PRICKLE4: variants seen among roughly 807,000 people sequenced by gnomAD.
PRICKLE4 encodes the protein prickle-like protein 4.
A neutral mutation model predicts 43.5 loss-of-function variants in PRICKLE4; 40 were observed. The observed-to-expected ratio is 0.92, with a 90% CI of 0.71 to 1.20. PRICKLE4 has a LOEUF of 1.20. PRICKLE4 is among the 50% of genes most tolerant of loss of function. PRICKLE4 has a pLI of 0.00. For missense variants in PRICKLE4, 527 were observed against 491.2 expected (o/e 1.07, Z -0.69); for synonymous variants, 208 against 197.4 (o/e 1.05, Z -0.45).
At chr6:41,784,062 G>A in intron 3 of PRICKLE4, 69 bp from the exon 4 acceptor site, 3 of 1,193,220 alleles carry the variant, frequency 2.5e-6, no homozygotes, top group Non-Finnish European at 3.6e-6. Context: ...TGGCAATGAT[G>A]AGGGGGAAAG....
chr6:41,787,083 A>T lies in PRICKLE4; in HGVS notation c.1109A>T (p.Gln370Leu), dbSNP rs1436326350. ...PQSWKTPGSL[Q>L]AEDSNASKTH... ...TCCTGGAAGACCCCCGGAAGCCTCCAAGCAGAGGACAGCAACGCCTCTAAG... is the reference window on the plus strand; with the variant it reads ...TCCTGGAAGACCCCCGGAAGCCTCCTAGCAGAGGACAGCAACGCCTCTAAG... The change falls in exon 8 of 8, where the codon CAA (glutamine) becomes CTA (leucine). Residue 370 changes from glutamine to leucine, a missense_variant. Gln to Leu is a moderately radical substitution (Grantham distance 113). Transcript: ENST00000458694. The T allele has an allele frequency of 6.2e-7, 1 of 1,612,290 alleles. No homozygotes were observed.
At position 41,785,074 on chromosome 6, in the gene PRICKLE4, T is replaced by A; in HGVS notation, c.378+2T>A. On this transcript the variant is annotated splice_donor_variant, in intron 5 of 7. Coordinates refer to ENST00000458694, the MANE Select transcript of PRICKLE4 (RefSeq NM_013397.6). LOFTEE classifies it high-confidence loss of function. ...CTTGAAGGACACACCTGTGAGAAGG[T>A]ATGTAGCACCCCTCCCCCCAAATTC... 1 of 1,613,386 alleles carries A rather than the reference T, an allele frequency of 6.2e-7. No homozygotes were observed. The highest frequency in any genetic ancestry group is 8.5e-7 in the Non-Finnish European group (1 of 1,179,712).
At position 41,784,939 on chromosome 6, in the gene PRICKLE4, G is replaced by T. The variant is rs142771052; in HGVS notation, c.245G>T (p.Arg82Leu). 1.9e-5 allele frequency: 31 copies of T among 1,613,902 alleles called. No homozygotes were observed. The Admixed American group carries it at 2.7e-4, about 14-fold the overall frequency. The change falls in exon 5 of 8, where the codon CGC becomes CTC. Residue 82 changes from arginine to leucine, a missense_variant. By Grantham distance (102) the Arg-to-Leu change is moderately radical. Coordinates refer to ENST00000458694, the MANE Select transcript of PRICKLE4 (RefSeq NM_013397.6). ...QQLPPQDIDERYCLALGEEER... is the reference protein window; with the variant it reads ...QQLPPQDIDELYCLALGEEER... ...TGTAGAGGACTGTTTCTGCAGGAGC[G>T]CTACTGCCTGGCCCTTGGGGAGGAG...
At chr6:41,786,606 A>G in intron 7 of PRICKLE4, 156 bp from the exon 8 acceptor site, 1 of 1,286,912 alleles carries the variant, frequency 7.8e-7, no homozygotes, top group Non-Finnish European at 1.1e-6. Flanking sequence ...CCTCTGGTGG[A>G]GGCGGGGGAC....
chr6:41,783,026 C>T (rs1459023844), intron 2 of PRICKLE4, among the ~76,000 whole-genome samples: 5 of 152,040 alleles, frequency 3.3e-5, no homozygotes, highest in South Asian at 2.1e-4. Flanking sequence ...AAACCTGGGC[C>T]CATGTAGGAA....
chr6:41,784,225 C>T lies in PRICKLE4; in HGVS notation c.227C>T (p.Pro76Leu), dbSNP rs752836843. The T allele has an allele frequency of 2.7e-5, 43 of 1,610,674 alleles. No homozygotes were observed. The highest frequency in any genetic ancestry group is 6.7e-5 in the African/African-American group (5 of 74,768). The change falls in exon 4 of 8, where the codon CCG becomes CTG. Residue 76 changes from proline (P) to leucine (L), a missense_variant. Coordinates refer to ENST00000458694, the MANE Select transcript of PRICKLE4 (RefSeq NM_013397.6). The stretch of plus-strand genomic sequence containing the variant: ...CAGACCCTCCTGCAGCAACTCCCTC[C>T]GCAGGACATTGATGTGGGTCTCCTC... ...GLQTLLQQLP[P>L]QDIDERYCLA...
In PRICKLE4 at chr6:41,787,375, C is replaced by T; in HGVS notation, c.*246C>T. 1 of 636,702 alleles carries T rather than the reference C, an allele frequency of 1.6e-6. No individual in the cohort carries two copies. The highest frequency in any genetic ancestry group is 2.6e-6 in the Non-Finnish European group (1 of 381,278). 39.4% of individuals were successfully genotyped at this position (636,702 alleles called of 1,614,324 possible). On this transcript the variant is annotated 3_prime_UTR_variant, in exon 8 of 8. Transcript: ENST00000458694. Reference sequence around the variant, plus strand: ...CTTCCCCTGCTGAGATAGCCCCTACCCCCACCTCCACAGGCTGGGACAGCC... The same window carrying T: ...CTTCCCCTGCTGAGATAGCCCCTACTCCCACCTCCACAGGCTGGGACAGCC...
chr6:41,781,975 T>C (rs886599737), intron 2 of PRICKLE4, among the ~76,000 whole-genome samples: 2 of 152,202 alleles, frequency 1.3e-5, no homozygotes, highest in African/African-American at 4.8e-5. Context: ...TCCCGAGCTC[T>C]GATTGATCCC....
chr6:41,782,117 G>C (rs1772562874), intron 2 of PRICKLE4, among the ~76,000 whole-genome samples: 1 of 149,796 alleles, frequency 6.7e-6, no homozygotes. Context: ...GCCCAGGCTG[G>C]AGTGCAGTGG....
intron 2 of PRICKLE4, among the ~76,000 whole-genome samples, chr6:41,782,007 G>A (rs1009508436): frequency 6.6e-6 from 1 of 150,814 alleles, no homozygotes; most frequent in African/African-American, 2.4e-5. Flanking sequence ...TTTCATCTTT[G>A]TCTTACCCAC....
At chr6:41,784,069 A>G (rs1561895819) in intron 3 of PRICKLE4, 62 bp from the exon 4 acceptor site, 2 of 1,256,870 alleles carry the variant, frequency 1.6e-6, no homozygotes, top group Admixed American at 2.1e-5. Context: ...GATGAGGGGG[A>G]AAGAAGGAGA....
chr6:41,785,961 C>A (rs1581979278), intron 6 of PRICKLE4, among the ~76,000 whole-genome samples, 167 bp from the exon 7 acceptor site: 1 of 152,240 alleles, frequency 6.6e-6, no homozygotes, highest in Non-Finnish European at 1.5e-5. Flanking sequence ...AGCTGGGATC[C>A]TGGCTAAGCC....
In PRICKLE4 at chr6:41,784,154, T is replaced by C. The variant is rs147190616; in HGVS notation, c.156T>C (p.Gly52=). The C allele has an allele frequency of 3.0e-5, 48 of 1,613,900 alleles. No individual in the cohort carries two copies. Among genetic ancestry groups the C allele is most frequent in the Non-Finnish European group, 3.8e-5 (45 of 1,179,934 alleles). ...AGGGTCCTGCAGTTCTGAGCTTGGG[T>C]TCCCTTTGCCTGGACACCAACCAAG... ...HAQGPAVLSL[G]SLCLDTNQAP... is the part of the protein sequence containing the mutation. The change falls in exon 4 of 8, where the codon GGT becomes GGC. Residue 52 remains glycine, a synonymous_variant. Transcript: ENST00000458694.
At chr6:41,783,674 A>T (rs939826961) in intron 3 of PRICKLE4, 69 bp downstream of exon 3, 2 of 1,609,788 alleles carry the variant, frequency 1.2e-6, no homozygotes, top group Non-Finnish European at 1.7e-6. Context: ...ACCCTTTTCC[A>T]CCAACCCGGA....
intron 4 of PRICKLE4, chr6:41,784,722 T>C (rs915068611): frequency 2.8e-5 from 17 of 605,280 alleles, no homozygotes; most frequent in South Asian, 1.8e-4. Context: ...CAGGACCTGA[T>C]TGATGACATT....
At position 41,783,652 on chromosome 6, in the gene PRICKLE4, T is replaced by G. The variant is rs149694668; in HGVS notation, c.132+47T>G. 131 of 1,613,876 alleles carry G rather than the reference T, an allele frequency of 8.1e-5. 3 individuals are homozygous for G. In the South Asian group the frequency reaches 1.4e-3, roughly 17 times the overall value. The stretch of plus-strand genomic sequence containing the variant: ...TCTGAGACCAACATGTCCTCTATCC[T>G]GTGGAGTGGCCACCCTTTTCCACCA... On this transcript the variant is annotated intron_variant, in intron 3 of 7. Coordinates refer to ENST00000458694, the MANE Select transcript of PRICKLE4 (RefSeq NM_013397.6).
chr6:41,786,547 G>T, intron 7 of PRICKLE4: 1 of 1,016,694 alleles, frequency 9.8e-7, no homozygotes, highest in Non-Finnish European at 1.5e-6. Context: ...CCCGCGCCGC[G>T]GTCGGGGTTG....
chr6:41,785,566 G>A, intron 6 of PRICKLE4, 26 bp downstream of exon 6: 1 of 1,603,926 alleles, frequency 6.2e-7, no homozygotes, highest in Non-Finnish European at 8.5e-7. Flanking sequence ...GAGGAACTGG[G>A]GGTCTGCCCA....
At chr6:41,781,808 G>A (rs777988409) in intron 2 of PRICKLE4, among the ~76,000 whole-genome samples, 3 of 152,158 alleles carry the variant, frequency 2.0e-5, no homozygotes, top group Non-Finnish European at 2.9e-5. Flanking sequence ...TAATTAACTT[G>A]TTTCAACTGT....
Sources: allele counts gnomAD v4.1 joint callset (sites outside exome capture counted in the v4.1 genomes callset), GRCh38; gene constraint gnomAD v4.1.1; transcripts MANE v1.5; gene names NCBI Gene and HGNC (gene_info 2026-07-23, HGNC 2026-07-21).